Variants in CSMD1 observed in about 807,000 individuals in gnomAD.
CSMD1 encodes the protein CUB and Sushi multiple domains 1.
CSMD1 carries 213 observed loss-of-function variants against 417.5 expected under a neutral mutation model. The ratio of observed to expected loss-of-function variants is 0.51; its 90% CI spans 0.46 to 0.57. CSMD1 has a LOEUF of 0.57. CSMD1 is among the 20% of genes least tolerant of loss of function. The pLI is 0.00. For missense variants in CSMD1, 6,923 were observed against 4,529.7 expected (o/e 1.53, Z -15.17); for synonymous variants, 2,862 against 1,736.8 (o/e 1.65, Z -16.11).
rs1431798280 is a variant in CSMD1 at position 3,643,724 on chromosome 8, G to GAAAAAAAAAAAAAAAAAA, written c.1010-26928_1010-26927insTTTTTTTTTTTTTTTTTT. ...TCAAAAAAAAAAAAAAAAAAAAAAG[G>GAAAAAAAAAAAAAAAAAA]AAATGCCTCCTCTGCCTTTTCCAGC... On this transcript the variant is annotated intron_variant, in intron 7 of 69. Transcript: ENST00000635120. Among the ~76,000 whole-genome samples the GAAAAAAAAAAAAAAAAAA allele has an allele frequency of 1.4e-4, 17 of 120,784 alleles. No homozygotes were observed. The East Asian group carries it at 1.5e-3, about 10-fold the overall frequency. 79.2% of individuals were successfully genotyped at this position (120,784 alleles called of 152,430 possible). A position where few individuals can be genotyped will look rare whatever the true frequency, so the allele number is the denominator to read the frequency against.
chr8:3,482,575 A>G (rs940271933), intron 11 of CSMD1, among the ~76,000 whole-genome samples: 3 of 152,232 alleles, frequency 2.0e-5, no homozygotes, highest in Non-Finnish European at 1.5e-5. Flanking sequence ...TATAGTTGAA[A>G]ACTTTAGCAC....
At chr8:4,374,077 G>A (rs201307211) in intron 3 of CSMD1, among the ~76,000 whole-genome samples, 1 of 152,076 alleles carries the variant, frequency 6.6e-6, no homozygotes, top group African/African-American at 2.4e-5. Context: ...CAATAATGAA[G>A]TGTATCATAT....
chr8:4,537,359 G>A (rs192581787), intron 2 of CSMD1, among the ~76,000 whole-genome samples: 25 of 152,256 alleles, frequency 1.6e-4, no homozygotes, highest in African/African-American at 5.3e-4. Flanking sequence ...ATTATATAAA[G>A]AAAGTTGTGC....
intron 10 of CSMD1, among the ~76,000 whole-genome samples, chr8:3,559,457 A>C (rs1047331165): frequency 6.6e-6 from 1 of 152,204 alleles, no homozygotes; most frequent in Non-Finnish European, 1.5e-5. Flanking sequence ...GCAACCTGTA[A>C]ATGTGTGGAA....
At chr8:3,619,804 G>A (rs542322355) in intron 7 of CSMD1, among the ~76,000 whole-genome samples, 10 of 152,248 alleles carry the variant, frequency 6.6e-5, no homozygotes, top group African/African-American at 1.2e-4. Flanking sequence ...GGCTGGGCAC[G>A]GTGGCTCACA....
intron 5 of CSMD1, among the ~76,000 whole-genome samples, chr8:3,784,348 T>C (rs189116538): frequency 9.2e-5 from 14 of 152,308 alleles, no homozygotes; most frequent in African/African-American, 2.6e-4. Flanking sequence ...AGTTGTTCTA[T>C]TGAAAAAATG....
intron 41 of CSMD1, among the ~76,000 whole-genome samples, chr8:3,137,739 G>C (rs1333879678): frequency 1.3e-5 from 2 of 152,178 alleles, no homozygotes; most frequent in Non-Finnish European, 1.5e-5. Context: ...ACGATGATAA[G>C]AAAAAGAGTC....
intron 5 of CSMD1, among the ~76,000 whole-genome samples, chr8:3,903,560 T>C (rs996868554): frequency 6.6e-6 from 1 of 152,110 alleles, no homozygotes; most frequent in African/African-American, 2.4e-5. Flanking sequence ...TGAATTTCAA[T>C]GTGTAGAATA....
intron 1 of CSMD1, among the ~76,000 whole-genome samples, chr8:4,772,105 C>G (rs1247588395): frequency 6.6e-6 from 1 of 152,120 alleles, no homozygotes; most frequent in African/African-American, 2.4e-5. Flanking sequence ...GGGGAATAGG[C>G]TTCCAGGGTC....
At chr8:4,377,323 G>C (rs1379085455) in intron 3 of CSMD1, among the ~76,000 whole-genome samples, 1 of 152,130 alleles carries the variant, frequency 6.6e-6, no homozygotes, top group East Asian at 1.9e-4. Context: ...CAAAACCTTG[G>C]TCGGGGGAGG....
At position 3,199,791 on chromosome 8, in the gene CSMD1, G is replaced by A. The variant is rs764157534; in HGVS notation, c.5117C>T (p.Ala1706Val). ...TCGGAGCAGAATTTGATTTGACGTA[G>A]CCAAGGGCAATGTTTCCCCTAGAAA... is the stretch of plus-strand genomic sequence containing the variant. ...GSHSGETLPL[A>V]TSNQILLRFS... is the part of the protein sequence containing the mutation. The change falls in exon 33 of 70, where the codon GCT becomes GTT. Residue 1706 changes from alanine to valine, a missense_variant. Ala to Val is a moderately conservative substitution (Grantham distance 64, BLOSUM62 0). Coordinates refer to ENST00000635120, the MANE Select transcript of CSMD1 (RefSeq NM_033225.6). The A allele has an allele frequency of 3.2e-6, 5 of 1,575,788 alleles. No homozygotes were observed. The highest frequency in any genetic ancestry group is 3.4e-6 in the Non-Finnish European group (4 of 1,159,906).
intron 2 of CSMD1, among the ~76,000 whole-genome samples, chr8:4,631,394 G>GTTT (rs1352993082): frequency 6.3e-5 from 9 of 143,342 alleles, no homozygotes; most frequent in African/African-American, 2.5e-4. Flanking sequence ...TGATACCTTG[G>GTTT]TTTGTTTTTT....
At chr8:3,383,142 A>T (rs1021263967) in intron 18 of CSMD1, among the ~76,000 whole-genome samples, 5 of 152,214 alleles carry the variant, frequency 3.3e-5, no homozygotes, top group Non-Finnish European at 5.9e-5. Context: ...TTATAAATTT[A>T]AAAGATAAAC....
At chr8:4,710,929 T>G (rs1265642390) in intron 1 of CSMD1, among the ~76,000 whole-genome samples, 1 of 151,914 alleles carries the variant, frequency 6.6e-6, no homozygotes, top group African/African-American at 2.4e-5. Flanking sequence ...AGTCCAAACA[T>G]AAAAGGACCA....
intron 26 of CSMD1, among the ~76,000 whole-genome samples, chr8:3,281,714 G>C (rs1303651913): frequency 1.3e-5 from 2 of 152,156 alleles, no homozygotes; most frequent in East Asian, 1.9e-4. Context: ...GGAATTGTTA[G>C]GGCAGGGAAA....
chr8:3,968,975 G>C (rs1391322335), intron 5 of CSMD1, among the ~76,000 whole-genome samples: 1 of 152,184 alleles, frequency 6.6e-6, no homozygotes, highest in African/African-American at 2.4e-5. Context: ...TGCAGGGCAG[G>C]GACAGTGGCT....
intron 1 of CSMD1, among the ~76,000 whole-genome samples, chr8:4,913,957 T>C (rs1805873204): frequency 6.6e-6 from 1 of 152,218 alleles, no homozygotes; most frequent in Non-Finnish European, 1.5e-5. Context: ...TAATTAATTG[T>C]AGCCAATTAA....
chr8:2,998,213 T>G, intron 53 of CSMD1, 29 bp from the exon 54 acceptor site: 1 of 1,609,262 alleles, frequency 6.2e-7, no homozygotes, highest in Non-Finnish European at 8.5e-7. Context: ...ACGTCATTGT[T>G]AAATATTGAA....
chr8:4,440,114 T>A (rs965837138), intron 2 of CSMD1, among the ~76,000 whole-genome samples: 4 of 152,184 alleles, frequency 2.6e-5, no homozygotes, highest in Admixed American at 2.6e-4. Context: ...AGGAACTCAT[T>A]CTCTTTAAAG....
Sources: gnomAD v4.1 joint callset for allele counts (sites outside exome capture counted in the v4.1 genomes callset) on GRCh38, gnomAD v4.1.1 for gene constraint, MANE v1.5 for transcripts, NCBI Gene and HGNC (gene_info 2026-07-23, HGNC 2026-07-21) for gene names.